The following PARP2 variants were observed in gnomAD, a reference collection of about 807,000 sequenced individuals.
PARP2 encodes the protein poly [ADP-ribose] polymerase 2.
PARP2 carries 57 observed loss-of-function variants against 77.8 expected under a neutral mutation model. That is an observed-to-expected ratio of 0.73 (90% CI 0.59 to 0.91). The LOEUF is 0.91. Ranked by LOEUF, PARP2 falls within the 40% of genes least tolerant of loss-of-function variation. PARP2 has a pLI of 0.00. For synonymous variants in PARP2, 226 were observed against 242.6 expected (o/e 0.93, Z 0.64); for missense variants, 651 against 689.0 (o/e 0.94, Z 0.62).
At chr14:20,357,584 T>C in intron 15 of PARP2, 54 bp from the exon 16 acceptor site, 1 of 1,604,994 alleles carries the variant, frequency 6.2e-7, no homozygotes, top group Non-Finnish European at 8.5e-7. Context: ...ACGTTCTCTA[T>C]TGCAGCTTCT....
chr14:20,356,524 GC>G, intron 12 of PARP2, 65 bp from the exon 13 acceptor site: 1 of 1,599,524 alleles, frequency 6.3e-7, no homozygotes, highest in Non-Finnish European at 8.6e-7. Flanking sequence ...GAAGGTGTTG[GC>G]TTTTTTATGC....
rs1566418162 is a variant in PARP2, at chr14:20,347,350, GTGTGTGTATATATATATATATA to G, written c.324+439_324+460del. ...GCCTTGCCTAAAGTCCTTCATATGT[GTGTGTGTATATATATATATATA>G]TATATATATATATATATATATATAT... is the stretch of plus-strand genomic sequence containing the variant. On this transcript the variant is annotated intron_variant, in intron 4 of 15. Coordinates refer to ENST00000429687, the MANE Select transcript of PARP2 (RefSeq NM_001042618.2). Among the ~76,000 whole-genome samples, 25 of 48,978 alleles carry G rather than the reference GTGTGTGTATATATATATATATA, an allele frequency of 5.1e-4. 1 individual carries two copies. Among genetic ancestry groups the G allele is most frequent in the African/African-American group, 3.3e-3 (24 of 7,330 alleles). 32.1% of individuals were successfully genotyped at this position (48,978 alleles called of 152,430 possible). A position where few individuals can be genotyped will look rare whatever the true frequency, so the allele number is the denominator to read the frequency against.
In PARP2 at chr14:20,356,364, A is replaced by T; in HGVS notation, c.1159A>T (p.Thr387Ser). ...HAPTHSDYTMTLLDLFEVEKD... is the reference protein window; with the variant it reads ...HAPTHSDYTMSLLDLFEVEKD... ...TCCCACACACAGCGACTATACCATG[A>T]CCTTGCTGGATTTGTTTGAAGTGGA... is the stretch of plus-strand genomic sequence containing the variant. Residue 387 changes from threonine to serine, a missense_variant, in exon 12 of 16, where the codon ACC (threonine) becomes TCC (serine). Coordinates refer to ENST00000429687, the MANE Select transcript of PARP2 (RefSeq NM_001042618.2). 1 of 1,614,096 alleles carries T rather than the reference A, an allele frequency of 6.2e-7. No homozygotes were observed. Among genetic ancestry groups the T allele is most frequent in the South Asian group, 1.1e-5 (1 of 91,088 alleles).
At position 20,355,988 on chromosome 14, in the gene PARP2, A is replaced by G. The variant is rs768210079; in HGVS notation, c.1058A>G (p.His353Arg). The change falls in exon 11 of 16, where the codon CAT becomes CGT. Residue 353 changes from histidine to arginine, a missense_variant. Coordinates refer to ENST00000429687, the MANE Select transcript of PARP2 (RefSeq NM_001042618.2). Reference protein sequence around the residue: ...HPLDQHYRNLHCALRPLDHES... With the variant: ...HPLDQHYRNLRCALRPLDHES... ...TTGGACCAACACTATAGAAACCTAC[A>G]TTGTGCCTTGCGCCCCCTTGACCAT... 1 of 1,614,138 alleles carries G rather than the reference A, an allele frequency of 6.2e-7. No individual in the cohort carries two copies. Among genetic ancestry groups the G allele is most frequent in the Non-Finnish European group, 8.5e-7 (1 of 1,179,974 alleles).
chr14:20,352,193 C>T (rs1314883053), intron 6 of PARP2, 52 bp from the exon 7 acceptor site: 3 of 970,734 alleles, frequency 3.1e-6, no homozygotes, highest in Non-Finnish European at 5.0e-6. Flanking sequence ...GTAAGTCCAT[C>T]TTCATAGTAG....
chr14:20,349,346 A>G (rs1883878725), intron 4 of PARP2, among the ~76,000 whole-genome samples: 1 of 151,614 alleles, frequency 6.6e-6, no homozygotes, highest in Admixed American at 6.6e-5. Context: ...AAAACCATAA[A>G]AACATTTACA....
intron 7 of PARP2, chr14:20,352,549 A>AT (rs34709835): frequency 7.5e-5 from 16 of 214,106 alleles, no homozygotes; most frequent in South Asian, 1.6e-4. Context: ...TGCCCAGCTG[A>AT]TTTTTTTTCT....
chr14:20,350,824 C>T (rs1760920), intron 5 of PARP2: 71,580 of 603,936 alleles, frequency 0.12, 12,084 homozygotes, highest in African/African-American at 0.6. Flanking sequence ...AAACTAAGAG[C>T]AGCCCATTGA....
In PARP2 at chr14:20,354,110, A is replaced by T; in HGVS notation, c.626A>T (p.Glu209Val). The change falls in exon 8 of 16, where the codon GAA becomes GTA. Residue 209 changes from glutamate (E) to valine (V), a missense_variant. By Grantham distance (121) the Glu-to-Val change is moderately radical. Transcript: ENST00000429687. ...GATGAAGAGGAAACAAAGAAAGAGG[A>T]ATCTCTTAAATCTCCCTTGAAGCCA... ...TQDEEETKKE[E>V]SLKSPLKPES... The T allele has an allele frequency of 6.2e-7, 1 of 1,612,972 alleles. No homozygotes were observed. Among genetic ancestry groups the T allele is most frequent in the Non-Finnish European group, 8.5e-7 (1 of 1,179,130 alleles).
intron 13 of PARP2, 30 bp from the exon 14 acceptor site, chr14:20,357,021 C>G (rs756251537): frequency 7.2e-7 from 1 of 1,383,662 alleles, no homozygotes; most frequent in Non-Finnish European, 1.0e-6. Flanking sequence ...GGGTTAGAAG[C>G]TGACCTTGGT....
chr14:20,347,978 A>AT (rs1468446730), intron 4 of PARP2, among the ~76,000 whole-genome samples: 1 of 151,924 alleles, frequency 6.6e-6, no homozygotes, highest in African/African-American at 2.4e-5. Context: ...GGCTCCAGCA[A>AT]TCCTCCCACC....
chr14:20,357,119 AAAG>A lies in PARP2; in HGVS notation c.1401_1403del (p.Lys467del), dbSNP rs776641103. 1.9e-6 allele frequency: 3 copies of A among 1,611,406 alleles called. No homozygotes were observed. The African/African-American group carries it at 4.0e-5, about 22-fold the overall frequency. On this transcript the variant is annotated inframe_deletion, in exon 14 of 16. Coordinates refer to ENST00000429687, the MANE Select transcript of PARP2 (RefSeq NM_001042618.2). ...CCAATTACTGCTTTGCCTCTCGCCT[AAAG>A]AATACAGGACTGCTGCTCTTATCAG...
intron 6 of PARP2, among the ~76,000 whole-genome samples, 199 bp from the exon 7 acceptor site, chr14:20,352,046 T>A (rs1321225610): frequency 6.6e-6 from 1 of 152,226 alleles, no homozygotes; most frequent in Non-Finnish European, 1.5e-5. Context: ...TCCCATTTTT[T>A]AAATTCCATT....
intron 14 of PARP2, 34 bp from the exon 15 acceptor site, chr14:20,357,362 G>C: frequency 6.3e-7 from 1 of 1,578,252 alleles, no homozygotes; most frequent in Non-Finnish European, 8.6e-7. Context: ...ATTCTTAGTA[G>C]GATATGGGAA....
rs1883979859 is a variant in PARP2 at position 20,352,237 on chromosome 14, C to G, written c.498-8C>G. 1.3e-6 allele frequency: 2 copies of G among 1,537,208 alleles called. No individual in the cohort carries two copies. Among genetic ancestry groups the G allele is most frequent in the Admixed American group, 1.7e-5 (1 of 59,812 alleles). ...TTGTAAAGTTTTCTTACACCTTGGA[C>G]TCTACAGATTCCTTGACAAAACGAA... On this transcript the variant is annotated splice_polypyrimidine_tract_variant and splice_region_variant and intron_variant, in intron 6 of 15. Coordinates refer to ENST00000429687, the MANE Select transcript of PARP2 (RefSeq NM_001042618.2).
At position 20,354,166 on chromosome 14, in the gene PARP2, T is replaced by C. The variant is rs1435205243; in HGVS notation, c.682T>C (p.Leu228=). 9 of 1,612,506 alleles carry C rather than the reference T, an allele frequency of 5.6e-6. No homozygotes were observed. Among genetic ancestry groups the C allele is most frequent in the Non-Finnish European group, 7.6e-6 (9 of 1,178,618 alleles). The change falls in exon 8 of 16, where the codon TTA becomes CTA. Residue 228 remains leucine (L), a synonymous_variant. Coordinates refer to ENST00000429687, the MANE Select transcript of PARP2 (RefSeq NM_001042618.2). ...ACAGCTAGATCTTCGGGTACAGGAG[T>C]TAATAAAGTTGATCTGTAATGTTCA... is the stretch of plus-strand genomic sequence containing the variant. The part of the protein sequence containing the change: ...ESQLDLRVQE[L]IKLICNVQAM...
chr14:20,355,806 A>G lies in PARP2; in HGVS notation c.957A>G (p.Gln319=), dbSNP rs764948698. 8 of 1,613,704 alleles carry G rather than the reference A, an allele frequency of 5.0e-6. No individual in the cohort carries two copies. Among genetic ancestry groups the G allele is most frequent in the South Asian group, 1.1e-5 (1 of 91,060 alleles). ...RTQKELSEKI[Q]LLEALGDIEI... ...AGAAGGAACTGTCAGAAAAAATACA[A>G]TTACTAGAGGTGAGATATGTATGAT... Residue 319 remains glutamine, a synonymous_variant, in exon 10 of 16, where the codon CAA becomes CAG. Transcript: ENST00000429687.
At position 20,347,398 on chromosome 14, in the gene PARP2, A is replaced by AT. The variant is rs58569972; in HGVS notation, c.324+520dup. ...TATATATATATATATATATATATAT[A>AT]TTTTTTTTTTTTTTTTTTTTTTTTT... On this transcript the variant is annotated intron_variant, in intron 4 of 15. Transcript: ENST00000429687. Among the ~76,000 whole-genome samples, 8 of 6,882 alleles carry AT rather than the reference A, an allele frequency of 1.2e-3. 1 individual carries two copies. The highest frequency in any genetic ancestry group is 6.1e-3 in the Admixed American group (2 of 328). 4.5% of individuals were successfully genotyped at this position (6,882 alleles called of 152,430 possible).
chr14:20,357,190 C>T (rs1182471027), intron 14 of PARP2, 41 bp downstream of exon 14: 1 of 1,482,722 alleles, frequency 6.7e-7, no homozygotes, highest in East Asian at 2.3e-5. Flanking sequence ...TTTATTAATT[C>T]CAGTTTTTTT....
Sources: gnomAD v4.1 joint callset for allele counts (sites outside exome capture counted in the v4.1 genomes callset) on GRCh38, gnomAD v4.1.1 for gene constraint, MANE v1.5 for transcripts, NCBI Gene and HGNC (gene_info 2026-07-23, HGNC 2026-07-21) for gene names.